DOK6: variants seen among roughly 807,000 people sequenced by gnomAD.
DOK6 encodes downstream of tyrosine kinase 6.
A neutral mutation model predicts 44.0 loss-of-function variants in DOK6; 22 were observed. That is an observed-to-expected ratio of 0.50 (90% CI 0.36 to 0.71). DOK6 has a LOEUF of 0.71. Among genes scored for constraint, DOK6 ranks in the 30% least tolerant of loss-of-function variants. The pLI, the probability that DOK6 is intolerant of heterozygous loss-of-function variation, is 0.00. For missense variants in DOK6, 340 were observed against 416.4 expected, an observed-to-expected ratio of 0.82 and a Z score of 1.60; for synonymous variants, 166 against 145.5, an observed-to-expected ratio of 1.14 and a Z score of -1.01.
intron 2 of DOK6, among the ~76,000 whole-genome samples, chr18:69,592,253 C>T (rs1298769377): frequency 9.1e-5 from 13 of 142,544 alleles, no homozygotes; most frequent in Admixed American, 1.4e-4. Flanking sequence ...TTTTTTTAAA[C>T]TTACCCTTTA....
At chr18:69,548,957 A>T (rs942302972) in intron 1 of DOK6, among the ~76,000 whole-genome samples, 39 of 150,816 alleles carry the variant, frequency 2.6e-4, no homozygotes, top group Non-Finnish European at 4.9e-4. Context: ...TAGCTGGGCG[A>T]GGTGGCGGGC....
intron 4 of DOK6, among the ~76,000 whole-genome samples, chr18:69,681,668 C>A (rs1467578225): frequency 6.6e-6 from 1 of 152,096 alleles, no homozygotes; most frequent in Non-Finnish European, 1.5e-5. Flanking sequence ...CCAGGATCTC[C>A]AGGTCTTTCA....
At chr18:69,488,750 C>T (rs893761326) in intron 1 of DOK6, among the ~76,000 whole-genome samples, 1 of 152,152 alleles carries the variant, frequency 6.6e-6, no homozygotes, top group East Asian at 1.9e-4. Flanking sequence ...CCTACCGGGT[C>T]CCTCCCACAA....
chr18:69,813,606 T>C lies in DOK6; in HGVS notation c.857-27638T>C, dbSNP rs147850380. Among the ~76,000 whole-genome samples, 381 of 152,308 alleles carry C rather than the reference T, an allele frequency of 2.5e-3. 1 individual carries two copies. The highest frequency in any genetic ancestry group is 8.6e-3 in the African/African-American group (358 of 41,586). On this transcript the variant is annotated intron_variant, in intron 7 of 7. Transcript: ENST00000382713. ...TTAAAGAATTTCTAGAGATTGCATT[T>C]TTTTAATAAGCAAGCTGGGTTTCAT...
In DOK6 at chr18:69,599,450, G is replaced by T; in HGVS notation, c.241G>T (p.Ala81Ser). 1 of 1,613,990 alleles carries T rather than the reference G, an allele frequency of 6.2e-7. No homozygotes were observed. Among genetic ancestry groups the T allele is most frequent in the Non-Finnish European group, 8.5e-7 (1 of 1,179,964 alleles). Residue 81 changes from alanine (A) to serine (S), a missense_variant, in exon 3 of 8, where the codon GCA becomes TCA. Physicochemically the swap from Ala to Ser is moderately conservative, Grantham distance 99 (BLOSUM62 1). Around this residue, in one of 3 missense-constraint regions of DOK6, gnomAD observed 206 missense variants for 258.6 expected, o/e 0.80. Coordinates refer to ENST00000382713, the MANE Select transcript of DOK6 (RefSeq NM_152721.6). The part of the protein sequence containing the change: ...LPRETKKHAV[A>S]IIFHDETSKT... The stretch of plus-strand genomic sequence containing the variant: ...CCGAGAGACAAAGAAGCATGCGGTG[G>T]CAATCATCTTTCACGATGAAACATC...
chr18:69,673,079 A>C (rs1046502434), intron 3 of DOK6, among the ~76,000 whole-genome samples: 1 of 152,194 alleles, frequency 6.6e-6, no homozygotes, highest in African/African-American at 2.4e-5. Context: ...TTATTAATAA[A>C]AGCTAACTCC....
intron 1 of DOK6, among the ~76,000 whole-genome samples, chr18:69,429,351 A>C (rs1334527101): frequency 1.3e-5 from 2 of 151,970 alleles, no homozygotes; most frequent in East Asian, 3.9e-4. Flanking sequence ...GTTTAACTGC[A>C]CACTAAAATG....
At chr18:69,675,308 G>A (rs192461256) in intron 3 of DOK6, among the ~76,000 whole-genome samples, 1 of 152,310 alleles carries the variant, frequency 6.6e-6, no homozygotes, top group East Asian at 1.9e-4. Flanking sequence ...TTTCTTAAAT[G>A]TCTGGGCATG....
intron 3 of DOK6, among the ~76,000 whole-genome samples, chr18:69,626,553 T>C (rs778084505): frequency 6.6e-6 from 1 of 152,182 alleles, no homozygotes; most frequent in Admixed American, 6.5e-5. Context: ...TATAACCTAA[T>C]GGGAAGAGGC....
chr18:69,638,479 A>G lies in DOK6; in HGVS notation c.289+38981A>G, dbSNP rs567346402. 1.4e-4 allele frequency among the ~76,000 whole-genome samples: 13 copies of G among 93,980 alleles called. No homozygotes were observed. The South Asian group carries it at 7.4e-3, about 54-fold the overall frequency. The allele number at this position is 93,980 out of a possible 152,430, so 61.7% of individuals were successfully genotyped here. On this transcript the variant is annotated intron_variant, in intron 3 of 7. Transcript: ENST00000382713. The stretch of plus-strand genomic sequence containing the variant: ...AAGTTTGTCAAACATTGATTTGGGT[A>G]TACTTATTCTTTTTTTTTTTGTAAT...
chr18:69,702,679 G>A (rs925581971), intron 5 of DOK6, among the ~76,000 whole-genome samples: 1 of 152,188 alleles, frequency 6.6e-6, no homozygotes, highest in African/African-American at 2.4e-5. Flanking sequence ...GCTGGGGGTG[G>A]TATATCCTGG....
chr18:69,402,121 G>GA (rs1237027474), intron 1 of DOK6, among the ~76,000 whole-genome samples: 2 of 152,144 alleles, frequency 1.3e-5, no homozygotes, highest in African/African-American at 2.4e-5. Flanking sequence ...TGGGACGCGA[G>GA]AGAGAGGATG....
chr18:69,502,188 G>A (rs1036045531), intron 1 of DOK6, among the ~76,000 whole-genome samples: 2 of 152,120 alleles, frequency 1.3e-5, no homozygotes, highest in Non-Finnish European at 2.9e-5. Context: ...TGAAAAGCAT[G>A]ATAATATCAT....
At chr18:69,831,171 T>C (rs1169316055) in intron 7 of DOK6, 1 of 152,182 alleles carries the variant, frequency 6.6e-6, no homozygotes, top group Non-Finnish European at 1.5e-5. Flanking sequence ...GCCAATGGTG[T>C]AGGTCCCATA....
At chr18:69,772,955 A>C (rs1204539045) in intron 7 of DOK6, among the ~76,000 whole-genome samples, 2 of 152,088 alleles carry the variant, frequency 1.3e-5, no homozygotes, top group African/African-American at 4.8e-5. Context: ...ATAAGGAACT[A>C]ATTTCTAAAA....
intron 6 of DOK6, among the ~76,000 whole-genome samples, chr18:69,750,207 A>G (rs754627753): frequency 1.3e-5 from 2 of 151,960 alleles, no homozygotes; most frequent in African/African-American, 2.4e-5. Flanking sequence ...AGGAGAACAC[A>G]GAAGAGATTC....
intron 5 of DOK6, among the ~76,000 whole-genome samples, chr18:69,708,769 G>A (rs1986692813): frequency 7.4e-6 from 1 of 134,814 alleles, no homozygotes; most frequent in South Asian, 2.4e-4. Context: ...GGGTGACAGG[G>A]CAAAAATCCG....
At chr18:69,481,814 G>A (rs1980431693) in intron 1 of DOK6, among the ~76,000 whole-genome samples, 1 of 152,264 alleles carries the variant, frequency 6.6e-6, no homozygotes, top group East Asian at 1.9e-4. Context: ...TTCCACAATG[G>A]TTGAACTAGT....
intron 7 of DOK6, among the ~76,000 whole-genome samples, chr18:69,766,040 G>A (rs1979703247): frequency 6.6e-6 from 1 of 152,054 alleles, no homozygotes; most frequent in Non-Finnish European, 1.5e-5. Context: ...ACAGTGGATT[G>A]GATCAAGAAA....
Sources: allele counts gnomAD v4.1 joint callset (sites outside exome capture counted in the v4.1 genomes callset), GRCh38; gene constraint gnomAD v4.1.1; regional missense constraint gnomAD v4.1.1; transcripts MANE v1.5; gene names NCBI Gene and HGNC (gene_info 2026-07-23, HGNC 2026-07-21).